The following HOXA3 variants were observed in gnomAD, a reference collection of about 807,000 sequenced individuals.
HOXA3 encodes the protein homeobox protein Hox-A3.
Under a neutral mutation model 30.3 loss-of-function variants are expected in HOXA3, and 8 were observed. The observed-to-expected ratio is 0.26, with a 90% confidence interval of 0.15 to 0.48. The LOEUF is 0.48. Ranked by LOEUF, HOXA3 falls within the 20% of genes least tolerant of loss-of-function variation. The pLI, the probability that HOXA3 is intolerant of heterozygous loss-of-function variation, is 0.99. For missense variants in HOXA3, 653 were observed against 614.4 expected (o/e 1.06, Z -0.66); for synonymous variants, 323 against 273.1 (o/e 1.18, Z -1.80).
intron 1 of HOXA3, chr7:27,143,129 G>GCCTGCTCGCTGCTGGCAGGGGCGT (rs930510004): frequency 3.8e-5 from 61 of 1,606,902 alleles, no homozygotes; most frequent in Non-Finnish European, 5.0e-5. Context: ...CTGCGCACTC[G>GCCTGCTCGCTGCTGGCAGGGGCGT]CCTGCTCGCT....
At chr7:27,143,557 C>T (rs1782651902) in intron 1 of HOXA3, 1 of 1,607,912 alleles carries the variant, frequency 6.2e-7, no homozygotes, top group African/African-American at 1.3e-5. Flanking sequence ...ACTGGTAGTC[C>T]GGGCCATTTG....
chr7:27,120,961 G>C (rs1449541818), intron 4 of HOXA3: 1 of 152,084 alleles, frequency 6.6e-6, no homozygotes, highest in East Asian at 1.9e-4. Flanking sequence ...CCTCCAACTT[G>C]GCCTGCGCTG....
chr7:27,109,578 C>G (rs1051017020), intron 5 of HOXA3, among the ~76,000 whole-genome samples: 1 of 152,252 alleles, frequency 6.6e-6, no homozygotes, highest in African/African-American at 2.4e-5. Flanking sequence ...CCCCCTCCCC[C>G]AGGAGATCTT....
intron 2 of HOXA3, chr7:27,130,458 C>T (rs1248654224): frequency 8.1e-7 from 1 of 1,228,786 alleles, no homozygotes; most frequent in Non-Finnish European, 1.0e-6. Flanking sequence ...CGGCCCCATG[C>T]GCGGGGTACA....
Position 27,107,761 on chromosome 7 carries a change from G to C in HOXA3, c.*154C>G. 1.8e-6 allele frequency: 1 copy of C among 541,142 alleles called. No individual in the cohort carries two copies. The highest frequency in any genetic ancestry group is 3.1e-6 in the Non-Finnish European group (1 of 319,142). 33.5% of individuals were successfully genotyped at this position (541,142 alleles called of 1,614,324 possible). A position where few individuals can be genotyped will look rare whatever the true frequency, so the allele number is the denominator to read the frequency against. On this transcript the variant is annotated 3_prime_UTR_variant, in exon 6 of 6. Transcript: ENST00000612286. ...ACTATAAAAACGCCTTACCAACGAG[G>C]GGGGAAACCGGGAAACGGAGTGCGG...
At chr7:27,114,084 C>G (rs1391285672) in intron 4 of HOXA3, 3 of 149,196 alleles carry the variant, frequency 2.0e-5, no homozygotes, top group Non-Finnish European at 4.5e-5. Context: ...GAGACCAAGG[C>G]GGCTGGGGAA....
intron 2 of HOXA3, chr7:27,128,078 T>C (rs1236541044): frequency 2.0e-5 from 3 of 152,156 alleles, no homozygotes; most frequent in African/African-American, 7.2e-5. Flanking sequence ...AGTGTGAAGG[T>C]GCAACAAATA....
chr7:27,143,074 G>A (rs750405781), intron 1 of HOXA3: 1 of 1,545,548 alleles, frequency 6.5e-7, no homozygotes, highest in African/African-American at 1.4e-5. Flanking sequence ...TGCGCATCCA[G>A]GGGTAGATCT....
At chr7:27,147,451 C>T in intron 1 of HOXA3, 1 of 1,614,216 alleles carries the variant, frequency 6.2e-7, no homozygotes, top group Non-Finnish European at 8.5e-7. Flanking sequence ...CAGGTAGTCC[C>T]CGGGGCCCCT....
rs761649994 is a variant in HOXA3 at position 27,108,245 on chromosome 7, C to A, written c.1002G>T (p.Ala334=). The A allele has an allele frequency of 1.3e-6, 2 of 1,517,804 alleles. No individual in the cohort carries two copies. The highest frequency in any genetic ancestry group is 4.4e-5 in the Admixed American group (2 of 45,454). 94.0% of individuals were successfully genotyped at this position (1,517,804 alleles called of 1,614,324 possible). Residue 334 remains alanine, a synonymous_variant, in exon 6 of 6, where the codon GCG becomes GCT. Transcript: ENST00000612286. This position sits in a 1 kb window ranked among gnomAD's most constrained non-coding sequence, Gnocchi z 5.0. ...PPQKRYTAAG[A]GAGGTPDYDP... The stretch of plus-strand genomic sequence containing the variant: ...CATAGTCGGGGGTGCCCCCTGCGCC[C>A]GCCCCTGCCGCCGTGTAGCGCTTCT...
chr7:27,125,235 G>T (rs1023704656), intron 3 of HOXA3, among the ~76,000 whole-genome samples: 3 of 152,240 alleles, frequency 2.0e-5, no homozygotes, highest in African/African-American at 7.2e-5. Flanking sequence ...TTAAGGAACG[G>T]TGGAGGGAGG....
chr7:27,108,202 G>C lies in HOXA3; in HGVS notation c.1045C>G (p.Leu349Val). The C allele has an allele frequency of 6.5e-7, 1 of 1,539,724 alleles. No homozygotes were observed. Among genetic ancestry groups the C allele is most frequent in the Non-Finnish European group, 8.8e-7 (1 of 1,141,882 alleles). Residue 349 changes from leucine (L) to valine (V), a missense_variant, in exon 6 of 6, where the codon CTG (leucine) becomes GTG (valine). This residue lies in a region of HOXA3 where 330 missense variants were observed against 274.4 expected (regional missense o/e 1.20). Transcript: ENST00000612286. This position sits in a 1 kb window ranked among gnomAD's most constrained non-coding sequence, Gnocchi z 5.0. ...TPDYDPHAHG[L>V]QGNGSYGTPH... ...GTCCCATAGCTGCCGTTGCCCTGCA[G>C]GCCATGAGCGTGCGGGTCATAGTCG...
chr7:27,119,441 C>T (rs1162062380), intron 4 of HOXA3: 1 of 152,196 alleles, frequency 6.6e-6, no homozygotes, highest in Non-Finnish European at 1.5e-5. Flanking sequence ...AACAAATAAG[C>T]TGCTCCCACC....
chr7:27,147,429 G>A, intron 1 of HOXA3: 1 of 1,614,194 alleles, frequency 6.2e-7, no homozygotes, highest in Non-Finnish European at 8.5e-7. Flanking sequence ...ACTGCTGCTC[G>A]GGAGAAAAGT....
chr7:27,119,112 AT>A (rs2128047461), intron 4 of HOXA3, among the ~76,000 whole-genome samples: 1 of 152,172 alleles, frequency 6.6e-6, no homozygotes, highest in East Asian at 1.9e-4. Flanking sequence ...AACATAAAAA[AT>A]ATCAGAGGAA....
intron 2 of HOXA3, among the ~76,000 whole-genome samples, chr7:27,135,756 G>A (rs1320549914): frequency 2.0e-5 from 3 of 152,282 alleles, no homozygotes; most frequent in South Asian, 4.1e-4. Flanking sequence ...GGAAACTTGT[G>A]ACATTAGTTT....
chr7:27,139,564 C>G (rs1007963739), intron 2 of HOXA3, among the ~76,000 whole-genome samples: 2 of 152,254 alleles, frequency 1.3e-5, no homozygotes, highest in African/African-American at 2.4e-5. Context: ...GCCACAGCCC[C>G]GTAAGGAATC....
Position 27,110,689 on chromosome 7 carries a change from C to T in HOXA3, c.-49G>A, listed in dbSNP as rs770370353. ...GCACACTCTGACAGGGGTTTGACAC[C>T]CGTGAGGGCGCACATTGGCACGCCC... On this transcript the variant is annotated 5_prime_UTR_variant, in exon 5 of 6. Transcript: ENST00000612286. The T allele has an allele frequency of 1.9e-6, 3 of 1,585,778 alleles. No homozygotes were observed. Among genetic ancestry groups the T allele is most frequent in the Admixed American group, 3.4e-5 (2 of 59,542 alleles).
Position 27,147,760 on chromosome 7 carries a change from C to T in HOXA3, c.-494+4528G>A, listed in dbSNP as rs746211230. On this transcript the variant is annotated intron_variant, in intron 1 of 5. Coordinates refer to ENST00000612286, the MANE Select transcript of HOXA3 (RefSeq NM_153631.3). ...AAAATAGGAACTCATTTGCGCGCCCCTCTGCAGGACTGTGATTTGTTGTGT... is the reference window on the plus strand; with the variant it reads ...AAAATAGGAACTCATTTGCGCGCCCTTCTGCAGGACTGTGATTTGTTGTGT... 4 of 1,597,038 alleles carry T rather than the reference C, an allele frequency of 2.5e-6. No homozygotes were observed. The African/African-American group carries it at 4.0e-5, about 16-fold the overall frequency.
Sources: gnomAD v4.1 joint callset for allele counts (sites outside exome capture counted in the v4.1 genomes callset) on GRCh38, gnomAD v4.1.1 for gene constraint, gnomAD v4.1.1 regional missense constraint, Gnocchi (gnomAD v3.1) non-coding constraint, MANE v1.5 for transcripts, NCBI Gene and HGNC (gene_info 2026-07-23, HGNC 2026-07-21) for gene names.